The following MROH2A variants were observed in gnomAD, a reference collection of about 807,000 sequenced individuals.
MROH2A encodes maestro heat like repeat family member 2A.
Under a neutral mutation model 200.4 loss-of-function variants are expected in MROH2A, and 174 were observed. The ratio of observed to expected loss-of-function variants is 0.87; its 90% CI spans 0.77 to 0.98. The LOEUF (loss-of-function observed/expected upper bound fraction) is 0.98. MROH2A is among the 50% of genes least tolerant of loss of function. The probability of loss-of-function intolerance (pLI) is 0.00; values close to 1 mark genes in which losing one functional copy is unlikely to be tolerated. For missense variants in MROH2A, 2,045 were observed against 2,139.6 expected (o/e 0.96, Z 0.87); for synonymous variants, 829 against 840.4 (o/e 0.99, Z 0.23).
chr2:233,790,410 T>C (rs1701645181), intron 5 of MROH2A, among the ~76,000 whole-genome samples: 2 of 107,120 alleles, frequency 1.9e-5, no homozygotes, highest in African/African-American at 3.8e-5. Context: ...ATCCCACCCT[T>C]CCTTCCTCCC....
chr2:233,821,054 T>C (rs1311116482), intron 31 of MROH2A, among the ~76,000 whole-genome samples: 1 of 152,236 alleles, frequency 6.6e-6, no homozygotes, highest in Non-Finnish European at 1.5e-5. Flanking sequence ...TGCCAAAATC[T>C]GTATTGGTTT....
At chr2:233,790,566 TTCCTTCCTTCC>T (rs1701670761) in intron 5 of MROH2A, among the ~76,000 whole-genome samples, 1 of 18,446 alleles carries the variant, frequency 5.4e-5, no homozygotes, top group African/African-American at 4.9e-4. Context: ...TTCTCCTTCC[TTCCTTCCTTCC>T]TCCCTCCCCT....
At chr2:233,823,831 G>C in intron 35 of MROH2A, 167 bp downstream of exon 35, 1 of 883,860 alleles carries the variant, frequency 1.1e-6, no homozygotes, top group Non-Finnish European at 1.7e-6. Flanking sequence ...TTCATCACAT[G>C]AGTAGTGCAG....
Position 233,804,529 on chromosome 2 carries a change from G to A in MROH2A, c.1926G>A (p.Trp642Ter). The A allele has an allele frequency of 6.4e-7, 1 of 1,551,246 alleles. No homozygotes were observed. Among genetic ancestry groups the A allele is most frequent in the Non-Finnish European group, 8.7e-7 (1 of 1,147,148 alleles). Residue 642 changes from tryptophan to a stop codon, truncating the protein, a stop_gained, in exon 18 of 42, where the codon TGG (tryptophan) becomes TGA (stop). Transcript: ENST00000389758. LOFTEE classifies it high-confidence loss of function. The stretch of plus-strand genomic sequence containing the variant: ...AGTTCACTTGGGATCAGAAAGCCTG[G>A]GAAGACAAGCTGATTCAGGTAAACG... ...HTEFTWDQKA[W>*]EDKLIQFLRN...
chr2:233,809,093 C>T, intron 21 of MROH2A, 33 bp from the exon 22 acceptor site: 1 of 1,536,332 alleles, frequency 6.5e-7, no homozygotes, highest in East Asian at 2.5e-5. Context: ...CCCCTGCTGC[C>T]CCCAGTGGTT....
intron 3 of MROH2A, 59 bp from the exon 4 acceptor site, chr2:233,789,438 G>T (rs760605747): frequency 1.5e-6 from 2 of 1,325,454 alleles, no homozygotes; most frequent in Non-Finnish European, 1.9e-6. Context: ...GGGAGAGAGA[G>T]GTGGACTTGT....
rs867511801 is a variant in MROH2A at position 233,800,211 on chromosome 2, C to T, written c.1456C>T (p.Arg486Cys). Residue 486 changes from arginine to cysteine, a missense_variant, in exon 14 of 42, where the codon CGC becomes TGC. Physicochemically the swap from Arg to Cys is radical, Grantham distance 180. Coordinates refer to ENST00000389758, the MANE Select transcript of MROH2A (RefSeq NM_001394639.1). ...CCTTGGTTCTTTCTTCCAGACAAAT[C>T]GCCGGGAGAAGTTTTATCAGAGGGA... ...LTLSTYKLTN[R>C]REKFYQRDLE... is the part of the protein sequence containing the mutation. 40 of 1,546,686 alleles carry T rather than the reference C, an allele frequency of 2.6e-5. No homozygotes were observed. The highest frequency in any genetic ancestry group is 1.7e-4 in the Middle Eastern group (1 of 5,992).
chr2:233,794,502 C>G lies in MROH2A; in HGVS notation c.962C>G (p.Thr321Arg). ...GGCAGTCTGGAGGTGCTCTTCGTCA[C>G]GCAGGCGAGTGGCCAGGCAGCCACG... ...YQGSLEVLFV[T>R]QVLRQILELS... is the part of the protein sequence containing the mutation. Residue 321 changes from threonine to arginine, a missense_variant, in exon 8 of 42, where the codon ACG becomes AGG. Coordinates refer to ENST00000389758, the MANE Select transcript of MROH2A (RefSeq NM_001394639.1). 4 of 1,510,796 alleles carry G rather than the reference C, an allele frequency of 2.6e-6. No individual in the cohort carries two copies. Among genetic ancestry groups the G allele is most frequent in the Non-Finnish European group, 3.6e-6 (4 of 1,110,910 alleles). 93.6% of individuals were successfully genotyped at this position (1,510,796 alleles called of 1,614,324 possible).
Position 233,789,630 on chromosome 2 carries a change from T to C in MROH2A, c.408+2T>C. The C allele has an allele frequency of 6.9e-7, 1 of 1,455,270 alleles. No homozygotes were observed. Among genetic ancestry groups the C allele is most frequent in the Non-Finnish European group, 9.1e-7 (1 of 1,101,084 alleles). 90.1% of individuals were successfully genotyped at this position (1,455,270 alleles called of 1,614,324 possible). ...AAGGAGATGAGGGAGATCCCAGAGG[T>C]AGGACCCCAAGCTCCATCGGTGCCT... On this transcript the variant is annotated splice_donor_variant, in intron 4 of 41. Transcript: ENST00000389758. LOFTEE classifies it high-confidence loss of function.
chr2:233,802,271 A>G lies in MROH2A; in HGVS notation c.1664A>G (p.His555Arg), dbSNP rs1575953760. 4.5e-6 allele frequency: 7 copies of G among 1,550,518 alleles called. No homozygotes were observed. The highest frequency in any genetic ancestry group is 6.1e-6 in the Non-Finnish European group (7 of 1,146,862). The change falls in exon 15 of 42, where the codon CAT (histidine) becomes CGT (arginine). Residue 555 changes from histidine (H) to arginine (R), a missense_variant. By Grantham distance (29) the His-to-Arg change is conservative. Transcript: ENST00000389758. ...ACAAACCTGGCAGAACACCAGCTCC[A>G]TGGCCAGGATGTGGATGTCAGCGTG... ...SLTNLAEHQL[H>R]GQDVDVSVAG...
rs1167494427 is a variant in MROH2A, at chr2:233,814,763, G to A, written c.2856+86G>A. 4 of 842,102 alleles carry A rather than the reference G, an allele frequency of 4.8e-6. No homozygotes were observed. In the African/African-American group the frequency reaches 5.2e-5, roughly 11 times the overall value. 52.2% of individuals were successfully genotyped at this position (842,102 alleles called of 1,614,324 possible). A position where few individuals can be genotyped will look rare whatever the true frequency, so the allele number is the denominator to read the frequency against. ...GAGGGCCAGACTCTGGGGAACAGGG[G>A]AGTGCATGCAACATTGTTTTAGTGA... On this transcript the variant is annotated intron_variant, in intron 26 of 41. Coordinates refer to ENST00000389758, the MANE Select transcript of MROH2A (RefSeq NM_001394639.1).
upstream of MROH2A, among the ~76,000 whole-genome samples, chr2:233,776,554 C>T (rs569281415): frequency 4.6e-5 from 7 of 151,626 alleles, no homozygotes; most frequent in Admixed American, 1.3e-4. Context: ...GTAGAGACAG[C>T]GTTTCCCCAT....
intron 35 of MROH2A, among the ~76,000 whole-genome samples, chr2:233,823,991 G>A (rs1462405547): frequency 5.3e-5 from 8 of 152,138 alleles, no homozygotes; most frequent in African/African-American, 1.4e-4. Flanking sequence ...CAGAGAGGCC[G>A]AGGGGCTTTG....
At chr2:233,815,410 C>T (rs184830610) in intron 26 of MROH2A, among the ~76,000 whole-genome samples, 8 of 152,216 alleles carry the variant, frequency 5.3e-5, no homozygotes, top group South Asian at 2.1e-4. Flanking sequence ...TTGGTTTTGA[C>T]GAAGTCGAAT....
intron 29 of MROH2A, 120 bp downstream of exon 29, chr2:233,818,890 C>T (rs545335895): frequency 3.5e-5 from 23 of 649,814 alleles, no homozygotes; most frequent in Middle Eastern, 4.1e-4. Context: ...GTCTCAGCTT[C>T]CACGGCCTTT....
intron 35 of MROH2A, among the ~76,000 whole-genome samples, chr2:233,827,669 C>A (rs932446967): frequency 6.6e-5 from 10 of 152,046 alleles, no homozygotes; most frequent in African/African-American, 2.4e-4. Flanking sequence ...ACCACTATGA[C>A]ACACGTCTAC....
intron 26 of MROH2A, among the ~76,000 whole-genome samples, chr2:233,815,026 A>G (rs538304015): frequency 6.6e-6 from 1 of 152,332 alleles, no homozygotes; most frequent in Admixed American, 6.5e-5. Context: ...TTTAATGTTG[A>G]CACGATGCAT....
In MROH2A at chr2:233,833,163, G is replaced by C; in HGVS notation, c.4929G>C (p.Pro1643=). Residue 1643 remains proline (P), a synonymous_variant, in exon 42 of 42, where the codon CCG becomes CCC. Transcript: ENST00000389758. ...CCCTCCAGGAACTACAGCTGGACCCGGATCCCGGGGTCAGGAGGGCAGCCC... is the reference window on the plus strand; with the variant it reads ...CCCTCCAGGAACTACAGCTGGACCCCGATCCCGGGGTCAGGAGGGCAGCCC... ...RNSLQELQLD[P]DPGVRRAALE... 6.5e-7 allele frequency: 1 copy of C among 1,549,278 alleles called. No individual in the cohort carries two copies. The highest frequency in any genetic ancestry group is 8.7e-7 in the Non-Finnish European group (1 of 1,146,574).
At chr2:233,793,951 C>A in intron 7 of MROH2A, 127 bp downstream of exon 7, 1 of 972,856 alleles carries the variant, frequency 1.0e-6, no homozygotes, top group Non-Finnish European at 1.4e-6. Flanking sequence ...GGGCAGTGAC[C>A]TGACTCATGG....
Sources: gnomAD v4.1 joint callset for allele counts (sites outside exome capture counted in the v4.1 genomes callset) on GRCh38, gnomAD v4.1.1 for gene constraint, MANE v1.5 for transcripts, NCBI Gene and HGNC (gene_info 2026-07-23, HGNC 2026-07-21) for gene names.